The following THSD7A variants were observed in gnomAD, a reference collection of about 807,000 sequenced individuals.
THSD7A encodes the protein thrombospondin type-1 domain-containing protein 7A.
Under a neutral mutation model 231.3 loss-of-function variants are expected in THSD7A, and 96 were observed. That is an observed-to-expected ratio of 0.41 (90% CI 0.35 to 0.49). THSD7A has a LOEUF of 0.49. Ranked by LOEUF, THSD7A falls within the 20% of genes least tolerant of loss-of-function variation. THSD7A has a pLI of 0.05. For synonymous variants in THSD7A, 940 were observed against 743.3 expected, an observed-to-expected ratio of 1.26 and a Z score of -4.30; for missense variants, 2,290 against 2,070.2, an observed-to-expected ratio of 1.11 and a Z score of -2.06.
chr7:11,457,687 C>T (rs1000143889), intron 11 of THSD7A, among the ~76,000 whole-genome samples: 7 of 152,090 alleles, frequency 4.6e-5, no homozygotes, highest in African/African-American at 1.7e-4. Context: ...TAGCCTTCCA[C>T]AAAATCACCC....
chr7:11,462,222 T>C (rs917737458), intron 9 of THSD7A, 79 bp from the exon 10 acceptor site: 88 of 1,477,806 alleles, frequency 6.0e-5, no homozygotes, highest in Non-Finnish European at 7.7e-5. Flanking sequence ...GTGAAGAAAT[T>C]ACATTGCCTC....
At chr7:11,492,159 C>T (rs1377677891) in intron 6 of THSD7A, among the ~76,000 whole-genome samples, 1 of 151,964 alleles carries the variant, frequency 6.6e-6, no homozygotes, top group East Asian at 1.9e-4. Context: ...ATTTTCTATC[C>T]TCTATTTGCA....
chr7:11,391,375 T>A (rs1325347781), intron 23 of THSD7A, among the ~76,000 whole-genome samples: 1 of 152,214 alleles, frequency 6.6e-6, no homozygotes, highest in Non-Finnish European at 1.5e-5. Context: ...AGTTTGAACT[T>A]CCTGGTGACT....
At chr7:11,392,806 GC>G (rs1461528060) in intron 23 of THSD7A, among the ~76,000 whole-genome samples, 1 of 152,206 alleles carries the variant, frequency 6.6e-6, no homozygotes, top group East Asian at 1.9e-4. Flanking sequence ...GCTCTGCAAA[GC>G]CCTTGTAGCC....
At chr7:11,495,440 G>A (rs562686543) in intron 6 of THSD7A, among the ~76,000 whole-genome samples, 1 of 152,182 alleles carries the variant, frequency 6.6e-6, no homozygotes, top group East Asian at 1.9e-4. Context: ...TTTTGCCAAA[G>A]ATCAGCTAGG....
chr7:11,419,285 G>C (rs1481651532), intron 16 of THSD7A, among the ~76,000 whole-genome samples: 2 of 152,146 alleles, frequency 1.3e-5, no homozygotes, highest in Non-Finnish European at 2.9e-5. Context: ...GGGCCTGGTG[G>C]GAGGTCACTG....
At chr7:11,391,273 C>A (rs987275422) in intron 23 of THSD7A, among the ~76,000 whole-genome samples, 3 of 152,054 alleles carry the variant, frequency 2.0e-5, no homozygotes, top group African/African-American at 7.2e-5. Context: ...GGGCTCCTGC[C>A]TTTTTTTTCA....
Position 11,571,326 on chromosome 7 carries a change from TTA to T in THSD7A, c.1453+19132_1453+19133del, listed in dbSNP as rs1444861993. Among the ~76,000 whole-genome samples, 5 of 152,176 alleles carry T rather than the reference TTA, an allele frequency of 3.3e-5. No homozygotes were observed. In the East Asian group the frequency reaches 9.6e-4, roughly 29 times the overall value. Reference sequence around the variant, plus strand: ...TGAGGAACATGATGTTCTCATTTACTTACTCATTCCCCAAGTTCTAAGCTGTA... The same window carrying T: ...TGAGGAACATGATGTTCTCATTTACTCTCATTCCCCAAGTTCTAAGCTGTA... On this transcript the variant is annotated intron_variant, in intron 4 of 27. Transcript: ENST00000423059.
intron 4 of THSD7A, among the ~76,000 whole-genome samples, chr7:11,575,761 C>A (rs1020931070): frequency 6.6e-6 from 1 of 152,182 alleles, no homozygotes; most frequent in South Asian, 2.1e-4. Context: ...TCATATCAAC[C>A]GCCACTTATT....
rs11379673 is a variant in THSD7A, at chr7:11,504,832, C to CTT, written c.1823-22852_1823-22851dup. Reference sequence around the variant, plus strand: ...TTTAAAAAGAAAGGACAACTAACTCCTTTTTTTTTATTGCATTTATTTGTA... The same window carrying CTT: ...TTTAAAAAGAAAGGACAACTAACTCCTTTTTTTTTTTATTGCATTTATTTGTA... On this transcript the variant is annotated intron_variant, in intron 6 of 27. Transcript: ENST00000423059. Among the ~76,000 whole-genome samples the CTT allele has an allele frequency of 4.2e-3, 630 of 150,164 alleles. 1 individual carries two copies. Among genetic ancestry groups the CTT allele is most frequent in the Middle Eastern group, 0.032 (9 of 284 alleles).
chr7:11,631,214 G>T (rs1781641901), intron 2 of THSD7A, among the ~76,000 whole-genome samples: 1 of 148,566 alleles, frequency 6.7e-6, no homozygotes. Context: ...CATGCTTCAG[G>T]TTCTAGCTTC....
intron 2 of THSD7A, among the ~76,000 whole-genome samples, chr7:11,605,497 T>G (rs116916961): frequency 0.011 from 1,657 of 152,232 alleles, 13 homozygotes; most frequent in East Asian, 0.036. Flanking sequence ...ACTGGGACCT[T>G]GTCAGACCCC....
chr7:11,424,870 T>A (rs771362164), intron 15 of THSD7A, 41 bp from the exon 16 acceptor site: 1 of 1,612,024 alleles, frequency 6.2e-7, no homozygotes, highest in South Asian at 1.1e-5. Context: ...GGGAATCTGG[T>A]AAGAGTGAGG....
intron 6 of THSD7A, among the ~76,000 whole-genome samples, chr7:11,527,385 C>CAA (rs111449401): frequency 1.4e-4 from 21 of 151,484 alleles, no homozygotes; most frequent in Middle Eastern, 3.4e-3. Context: ...CAAAATTGGC[C>CAA]AAAATATATA....
intron 11 of THSD7A, among the ~76,000 whole-genome samples, chr7:11,458,443 A>T (rs1161614856): frequency 1.3e-5 from 2 of 152,184 alleles, no homozygotes; most frequent in Admixed American, 1.3e-4. Context: ...GACTGTCTTC[A>T]TATGGAAGTT....
chr7:11,710,649 A>C (rs1243227826), intron 1 of THSD7A, among the ~76,000 whole-genome samples: 1 of 150,902 alleles, frequency 6.6e-6, no homozygotes, highest in African/African-American at 2.4e-5. Flanking sequence ...CTTCTCGGGA[A>C]AGCATGATTG....
At chr7:11,773,992 C>T (rs902434842) in intron 1 of THSD7A, among the ~76,000 whole-genome samples, 2 of 151,980 alleles carry the variant, frequency 1.3e-5, no homozygotes, top group Non-Finnish European at 2.9e-5. Context: ...TAATAATAAT[C>T]GGGAAATTAA....
At chr7:11,722,080 T>A (rs1453660665) in intron 1 of THSD7A, among the ~76,000 whole-genome samples, 1 of 151,940 alleles carries the variant, frequency 6.6e-6, no homozygotes, top group Non-Finnish European at 1.5e-5. Flanking sequence ...GACTCTAGCA[T>A]GGCTGACACC....
chr7:11,679,635 C>T (rs6979799), intron 1 of THSD7A, among the ~76,000 whole-genome samples: 17 of 151,798 alleles, frequency 1.1e-4, no homozygotes, highest in African/African-American at 3.9e-4. Context: ...ATACAACTTA[C>T]AAGGGATGTG....
Sources: gnomAD v4.1 joint callset for allele counts (sites outside exome capture counted in the v4.1 genomes callset) on GRCh38, gnomAD v4.1.1 for gene constraint, MANE v1.5 for transcripts, NCBI Gene and HGNC (gene_info 2026-07-23, HGNC 2026-07-21) for gene names.